The following TTC4 variants were observed in gnomAD, a reference collection of about 807,000 sequenced individuals.
The protein encoded by TTC4 is hsp70/Hsp90 co-chaperone CNS1 homolog.
Under a neutral mutation model 51.9 loss-of-function variants are expected in TTC4, and 36 were observed. That is an observed-to-expected ratio of 0.69 (90% CI 0.53 to 0.92). TTC4 has a LOEUF of 0.92. Among genes scored for constraint, TTC4 ranks in the 40% least tolerant of loss-of-function variants. The pLI is 0.00. For missense variants in TTC4, 399 were observed against 454.6 expected (o/e 0.88, Z 1.11); for synonymous variants, 144 against 164.2 (o/e 0.88, Z 0.94).
intron 7 of TTC4, 152 bp downstream of exon 7, chr1:54,731,852 A>C (rs1645869438): frequency 1.4e-6 from 1 of 705,416 alleles, no homozygotes; most frequent in Admixed American, 3.1e-5. Flanking sequence ...TCTATCCTGT[A>C]GCTGACTGAA....
intron 4 of TTC4, 82 bp downstream of exon 4, chr1:54,721,322 G>T: frequency 7.1e-7 from 1 of 1,406,164 alleles, no homozygotes; most frequent in Non-Finnish European, 9.8e-7. Context: ...TCTTATTTTT[G>T]CAGTCTGGGT....
At chr1:54,733,746 AATTTTTTTTTT>A (rs201216267) in intron 8 of TTC4, 36 bp downstream of exon 8, 26,336 of 1,077,798 alleles carry the variant, frequency 0.024, 753 homozygotes, top group East Asian at 0.14. Flanking sequence ...CTATGGAATT[AATTTTTTTTTT>A]TTTTTTTTTT....
rs1171521938 is a variant in TTC4 at position 54,721,197 on chromosome 1, T to C, written c.426T>C (p.Ala142=). 6.2e-7 allele frequency: 1 copy of C among 1,613,586 alleles called. No individual in the cohort carries two copies. Among genetic ancestry groups the C allele is most frequent in the Non-Finnish European group, 8.5e-7 (1 of 1,179,612 alleles). Residue 142 remains alanine (A), a synonymous_variant, in exon 4 of 10, where the codon GCT becomes GCC. Coordinates refer to ENST00000371281, the MANE Select transcript of TTC4 (RefSeq NM_004623.5). ...NFRSALNDVT[A]ARKLKPCHLK... is the part of the protein sequence containing the mutation. Reference sequence around the variant, plus strand: ...GTTCTGCTCTCAATGATGTGACAGCTGCCAGAAAGCTAAAACCCTGCCACC... The same window carrying C: ...GTTCTGCTCTCAATGATGTGACAGCCGCCAGAAAGCTAAAACCCTGCCACC...
intron 9 of TTC4, among the ~76,000 whole-genome samples, chr1:54,737,908 C>T (rs943300195): frequency 2.0e-5 from 3 of 151,184 alleles, no homozygotes; most frequent in African/African-American, 7.3e-5. Flanking sequence ...GGAAAACTCC[C>T]TTTTTTTTTG....
rs149294525 is a variant in TTC4 at position 54,742,353 on chromosome 1, C to T, written c.*840C>T. On this transcript the variant is annotated 3_prime_UTR_variant, in exon 10 of 10. Transcript: ENST00000371281. ...TTGCAGTGCCCCCACCCCATCCCCC[C>T]GGGAGAGTGTACTTCCCTGCTCCCA... is the stretch of plus-strand genomic sequence containing the variant. 272 of 152,642 alleles carry T rather than the reference C, an allele frequency of 1.8e-3. 2 individuals are homozygous for T. The highest frequency in any genetic ancestry group is 2.2e-3 in the Non-Finnish European group (149 of 68,290). The allele number at this position is 152,642 out of a possible 1,614,324, so 9.5% of individuals were successfully genotyped here.
In TTC4 at chr1:54,727,751, A is replaced by T. The variant is rs187685760; in HGVS notation, c.595-595A>T. Among the ~76,000 whole-genome samples the T allele has an allele frequency of 3.7e-4, 56 of 152,066 alleles. 1 individual carries two copies. The highest frequency in any genetic ancestry group is 9.2e-4 in the Admixed American group (14 of 15,266). On this transcript the variant is annotated intron_variant, in intron 5 of 9. Transcript: ENST00000371281. ...GAATGGAAGACAATATTGGTAAGTCATAAGGGACTTTTATCTACAACATAT... is the reference window on the plus strand; with the variant it reads ...GAATGGAAGACAATATTGGTAAGTCTTAAGGGACTTTTATCTACAACATAT...
intron 5 of TTC4, among the ~76,000 whole-genome samples, chr1:54,726,376 A>G (rs1201523111): frequency 6.6e-6 from 1 of 152,220 alleles, no homozygotes. Flanking sequence ...TCAAAAATGA[A>G]AGAGTGGAAG....
At chr1:54,723,462 A>T (rs914408919) in intron 5 of TTC4, among the ~76,000 whole-genome samples, 13 of 152,180 alleles carry the variant, frequency 8.5e-5, no homozygotes, top group Admixed American at 8.5e-4. Flanking sequence ...ATTCCGTAGT[A>T]TAAGCCATGA....
intron 8 of TTC4, chr1:54,736,866 G>A (rs377020290): frequency 1.3e-5 from 2 of 152,824 alleles, no homozygotes; most frequent in South Asian, 4.1e-4. Flanking sequence ...GACCCTACAT[G>A]GACATCCTCC....
chr1:54,715,925 A>G lies in TTC4; in HGVS notation c.17A>G (p.Gln6Arg). 6.2e-7 allele frequency: 1 copy of G among 1,607,136 alleles called. No individual in the cohort carries two copies. Among genetic ancestry groups the G allele is most frequent in the Non-Finnish European group, 8.5e-7 (1 of 1,177,174 alleles). MEQPG[Q>R]DPTSDDVMDS... The stretch of plus-strand genomic sequence containing the variant: ...GCATCAGCTATGGAACAACCTGGGC[A>G]GGATCCCACCTCAGACGACGTCATG... The change falls in exon 1 of 10, where the codon CAG becomes CGG. Residue 6 changes from glutamine (Q) to arginine (R), a missense_variant. Around this residue, in one of 3 missense-constraint regions of TTC4, gnomAD observed 316 missense variants for 349.6 expected, o/e 0.90. Coordinates refer to ENST00000371281, the MANE Select transcript of TTC4 (RefSeq NM_004623.5).
intron 6 of TTC4, among the ~76,000 whole-genome samples, chr1:54,729,286 T>C (rs552964909): frequency 6.6e-6 from 1 of 152,350 alleles, no homozygotes; most frequent in Non-Finnish European, 1.5e-5. Flanking sequence ...TTTCAGACCA[T>C]GGTTGACCAC....
chr1:54,717,370 T>C, intron 2 of TTC4, 122 bp from the exon 3 acceptor site: 1 of 862,336 alleles, frequency 1.2e-6, no homozygotes, highest in Non-Finnish European at 1.6e-6. Context: ...TCGAGTTTCC[T>C]TTCCCTATTG....
rs1172292826 is a variant in TTC4, at chr1:54,737,595, A to C, written c.992A>C (p.Asp331Ala). Residue 331 changes from aspartate (D) to alanine (A), a missense_variant, in exon 9 of 10, where the codon GAT becomes GCT. Asp to Ala is a moderately radical substitution (Grantham distance 126). Coordinates refer to ENST00000371281, the MANE Select transcript of TTC4 (RefSeq NM_004623.5). ...TTAATCTTGCAGGTCTACTTTGAGG[A>C]TGAGGACAGGGCAGAACTATACCGG... ...CPDNLEVYFE[D>A]EDRAELYRVP... The C allele has an allele frequency of 6.2e-7, 1 of 1,613,780 alleles. No homozygotes were observed. The highest frequency in any genetic ancestry group is 8.5e-7 in the Non-Finnish European group (1 of 1,179,996).
At chr1:54,737,772 AAG>A in intron 9 of TTC4, 108 bp downstream of exon 9, 6 of 1,180,306 alleles carry the variant, frequency 5.1e-6, no homozygotes, top group Non-Finnish European at 7.1e-6. Context: ...TTATAAAGAA[AAG>A]AGGTTTAGTG....
chr1:54,737,981 A>C (rs547517939), intron 9 of TTC4, among the ~76,000 whole-genome samples: 3 of 151,022 alleles, frequency 2.0e-5, no homozygotes, highest in Non-Finnish European at 4.4e-5. Flanking sequence ...GCTCACTGCA[A>C]CCTCCACCTC....
At chr1:54,731,765 G>A (rs1265814581) in intron 7 of TTC4, 65 bp downstream of exon 7, 4 of 1,502,390 alleles carry the variant, frequency 2.7e-6, no homozygotes, top group South Asian at 1.2e-5. Context: ...GTGGCAGGAG[G>A]GACGAGTGGA....
intron 4 of TTC4, 88 bp from the exon 5 acceptor site, chr1:54,722,587 G>A: frequency 2.5e-6 from 4 of 1,572,018 alleles, no homozygotes; most frequent in African/African-American, 1.4e-5. Flanking sequence ...GTACTGGCTG[G>A]TAGTTGGTGG....
At position 54,733,668 on chromosome 1, in the gene TTC4, C is replaced by G. The variant is rs1645897137; in HGVS notation, c.936C>G (p.Pro312=). The G allele has an allele frequency of 6.2e-7, 1 of 1,602,484 alleles. No homozygotes were observed. The highest frequency in any genetic ancestry group is 1.3e-5 in the African/African-American group (1 of 74,430). The change falls in exon 8 of 10, where the codon CCC becomes CCG. Residue 312 remains proline (P), a synonymous_variant. Coordinates refer to ENST00000371281, the MANE Select transcript of TTC4 (RefSeq NM_004623.5). ...TAATGGTGATGTTTGGTGAAACACC[C>G]TCTTGGGACCTAGAGCAAAAATATT... The part of the protein sequence containing the change: ...DHLMVMFGET[P]SWDLEQKYCP...
Position 54,715,864 on chromosome 1 carries a change from C to G in TTC4, c.-45C>G, listed in dbSNP as rs199696687. 10 of 1,495,472 alleles carry G rather than the reference C, an allele frequency of 6.7e-6. No individual in the cohort carries two copies. The Admixed American group carries it at 7.9e-5, about 12-fold the overall frequency. 92.6% of individuals were successfully genotyped at this position (1,495,472 alleles called of 1,614,324 possible). A position where few individuals can be genotyped will look rare whatever the true frequency, so the allele number is the denominator to read the frequency against. On this transcript the variant is annotated 5_prime_UTR_variant, in exon 1 of 10. Coordinates refer to ENST00000371281, the MANE Select transcript of TTC4 (RefSeq NM_004623.5). ...ACCCGCGCCGCCGGAAGGAGCCGCT[C>G]GCTTCACGGCGCTGGGACCCGGGCT...
Sources: allele counts gnomAD v4.1 joint callset (sites outside exome capture counted in the v4.1 genomes callset), GRCh38; gene constraint gnomAD v4.1.1; regional missense constraint gnomAD v4.1.1; transcripts MANE v1.5; gene names NCBI Gene and HGNC (gene_info 2026-07-23, HGNC 2026-07-21).